The following PCNX2 variants were observed in gnomAD, a reference collection of about 807,000 sequenced individuals.
PCNX2 encodes the protein pecanex 2.
Under a neutral mutation model 223.8 loss-of-function variants are expected in PCNX2, and 168 were observed. The observed-to-expected ratio is 0.75, with a 90% CI of 0.66 to 0.85. The LOEUF is 0.85. Ranked by LOEUF, PCNX2 falls within the 40% of genes least tolerant of loss-of-function variation. The pLI is 0.00. For synonymous variants in PCNX2, 1,006 were observed against 1,052.6 expected, an observed-to-expected ratio of 0.96 and a Z score of 0.86; for missense variants, 2,507 against 2,675.5, an observed-to-expected ratio of 0.94 and a Z score of 1.39.
chr1:233,274,858 G>A (rs1209283789), intron 1 of PCNX2, among the ~76,000 whole-genome samples: 1 of 152,184 alleles, frequency 6.6e-6, no homozygotes, highest in Non-Finnish European at 1.5e-5. Context: ...ATGATGAAGA[G>A]CACAGAAGGC....
At chr1:233,130,287 G>A (rs967269325) in intron 21 of PCNX2, among the ~76,000 whole-genome samples, 1 of 151,876 alleles carries the variant, frequency 6.6e-6, no homozygotes, top group Non-Finnish European at 1.5e-5. Context: ...CACCAATTCC[G>A]GACACACTCC....
At chr1:233,280,763 T>C (rs889431045) in intron 1 of PCNX2, among the ~76,000 whole-genome samples, 17 of 152,234 alleles carry the variant, frequency 1.1e-4, no homozygotes, top group Non-Finnish European at 1.5e-5. Context: ...TTTATGATAG[T>C]AACTTTATAT....
At chr1:233,324,694 G>C in the PCNX2 span, among the ~76,000 whole-genome samples, 1 of 146,316 alleles carries the variant, frequency 6.8e-6, no homozygotes, top group South Asian at 2.2e-4. Context: ...TCCACCTCCC[G>C]GGTTCAAGTG....
intron 23 of PCNX2, among the ~76,000 whole-genome samples, chr1:233,089,049 C>T (rs1022664287): frequency 6.6e-6 from 1 of 152,124 alleles, no homozygotes; most frequent in Admixed American, 6.5e-5. Flanking sequence ...TAAGCCACAC[C>T]ACCTGTGCCA....
intron 32 of PCNX2, among the ~76,000 whole-genome samples, chr1:232,995,346 G>A (rs1368327864): frequency 1.3e-5 from 2 of 152,190 alleles, no homozygotes; most frequent in Non-Finnish European, 2.9e-5. Context: ...GGTGTGTGGG[G>A]TATTTAGCCA....
At chr1:233,019,196 CT>C (rs1260417309) in intron 26 of PCNX2, 13 of 985,306 alleles carry the variant, frequency 1.3e-5, no homozygotes, top group Non-Finnish European at 1.6e-5. Context: ...ACAGCCTGGA[CT>C]TTGGGGAGGT....
intron 25 of PCNX2, among the ~76,000 whole-genome samples, chr1:233,049,767 G>C (rs554242708): frequency 9.2e-5 from 14 of 151,922 alleles, no homozygotes; most frequent in Non-Finnish European, 1.8e-4. Context: ...AAAGTTTCAG[G>C]ATACAAAATC....
rs185278957 is a variant in PCNX2, at chr1:233,222,047, G to A, written c.2505-3863C>T. Among the ~76,000 whole-genome samples the A allele has an allele frequency of 9.2e-5, 14 of 152,286 alleles. No homozygotes were observed. The South Asian group carries it at 2.3e-3, about 25-fold the overall frequency. The stretch of plus-strand genomic sequence containing the variant: ...AAAAGTTCAGTAAAATATACAATAT[G>A]TAAACATAAATGCAACAGAAAAAAG... On this transcript the variant is annotated intron_variant, in intron 10 of 33. Transcript: ENST00000258229.
chr1:233,254,539 T>C (rs186296045), intron 5 of PCNX2, among the ~76,000 whole-genome samples: 10 of 152,320 alleles, frequency 6.6e-5, no homozygotes, highest in Admixed American at 6.5e-4. Context: ...AATACATTTA[T>C]AGAAATGTTT....
At chr1:233,005,921 C>T (rs1300381045) in intron 28 of PCNX2, among the ~76,000 whole-genome samples, 1 of 152,154 alleles carries the variant, frequency 6.6e-6, no homozygotes, top group Non-Finnish European at 1.5e-5. Flanking sequence ...TAAAACAGCC[C>T]CCACTCGCAC....
At chr1:233,198,420 C>T (rs1183426843) in intron 15 of PCNX2, among the ~76,000 whole-genome samples, 1 of 152,100 alleles carries the variant, frequency 6.6e-6, no homozygotes, top group Non-Finnish European at 1.5e-5. Flanking sequence ...TTCTGAAGTT[C>T]GTGTTTATCT....
intron 10 of PCNX2, among the ~76,000 whole-genome samples, chr1:233,226,824 C>A (rs1572111028): frequency 6.6e-6 from 1 of 152,142 alleles, no homozygotes; most frequent in Non-Finnish European, 1.5e-5. Context: ...TGCCCACACC[C>A]AGTCAAGCCA....
At chr1:233,287,532 T>C (rs759037315) in intron 1 of PCNX2, among the ~76,000 whole-genome samples, 5 of 152,236 alleles carry the variant, frequency 3.3e-5, no homozygotes, top group Admixed American at 2.6e-4. Flanking sequence ...ACAAGCTCTC[T>C]TGTCTACCAC....
At chr1:233,109,994 T>C (rs781175797) in intron 21 of PCNX2, among the ~76,000 whole-genome samples, 1 of 151,768 alleles carries the variant, frequency 6.6e-6, no homozygotes, top group South Asian at 2.1e-4. Context: ...GAGACTGAGG[T>C]GGGAGAATCA....
intron 20 of PCNX2, among the ~76,000 whole-genome samples, chr1:233,136,816 G>A (rs1676831210): frequency 1.3e-5 from 2 of 152,178 alleles, no homozygotes; most frequent in Admixed American, 1.3e-4. Context: ...AAACCCCAAT[G>A]ATAAGGTATC....
intron 21 of PCNX2, 79 bp from the exon 22 acceptor site, chr1:233,095,942 T>C: frequency 9.4e-7 from 1 of 1,060,648 alleles, no homozygotes; most frequent in Admixed American, 2.3e-5. Context: ...TTAAAGGACA[T>C]TTGTCAAGGT....
intron 23 of PCNX2, among the ~76,000 whole-genome samples, chr1:233,061,430 CT>C (rs1303725156): frequency 1.3e-5 from 2 of 152,244 alleles, no homozygotes; most frequent in Non-Finnish European, 2.9e-5. Flanking sequence ...GAGACATTTC[CT>C]GAGGACATAC....
At chr1:233,209,985 C>G (rs952579126) in intron 12 of PCNX2, among the ~76,000 whole-genome samples, 1 of 152,128 alleles carries the variant, frequency 6.6e-6, no homozygotes, top group African/African-American at 2.4e-5. Context: ...CATTAAATAG[C>G]TACTTTCCAC....
At chr1:233,028,923 C>A (rs1223474560) in intron 25 of PCNX2, among the ~76,000 whole-genome samples, 1 of 149,376 alleles carries the variant, frequency 6.7e-6, no homozygotes, top group Non-Finnish European at 1.5e-5. Flanking sequence ...ACTGCAACCT[C>A]TGCTTCCCGG....
Sources: allele counts gnomAD v4.1 joint callset (sites outside exome capture counted in the v4.1 genomes callset), GRCh38; gene constraint gnomAD v4.1.1; transcripts MANE v1.5; gene names NCBI Gene and HGNC (gene_info 2026-07-23, HGNC 2026-07-21).